KCNK5: variants seen among roughly 807,000 people sequenced by gnomAD.
KCNK5 encodes potassium two pore domain channel subfamily K member 5.
Under a neutral mutation model 32.9 loss-of-function variants are expected in KCNK5, and 18 were observed. The observed-to-expected ratio is 0.55, with a 90% CI of 0.38 to 0.81. The LOEUF (loss-of-function observed/expected upper bound fraction) is 0.81. Among genes scored for constraint, KCNK5 ranks in the 30% least tolerant of loss-of-function variants. The pLI, the probability that KCNK5 is intolerant of heterozygous loss-of-function variation, is 0.00. For missense variants in KCNK5, 507 were observed against 651.0 expected, an observed-to-expected ratio of 0.78 and a Z score of 2.41; for synonymous variants, 276 against 275.3, an observed-to-expected ratio of 1.00 and a Z score of -0.03.
At chr6:39,228,813 G>C (rs955519040) in intron 1 of KCNK5, 113 bp downstream of exon 1, 2 of 1,030,506 alleles carry the variant, frequency 1.9e-6, no homozygotes, top group African/African-American at 3.2e-5. Flanking sequence ...TCACCCCCTG[G>C]ACCTTCCACA....
chr6:39,219,096 C>G (rs1771495361), intron 1 of KCNK5, among the ~76,000 whole-genome samples: 1 of 152,186 alleles, frequency 6.6e-6, no homozygotes, highest in South Asian at 2.1e-4. Context: ...CGGCTGCCCT[C>G]CAGCACCAAG....
intron 1 of KCNK5, among the ~76,000 whole-genome samples, chr6:39,213,889 G>A (rs1330524367): frequency 6.6e-6 from 1 of 152,140 alleles, no homozygotes; most frequent in Non-Finnish European, 1.5e-5. Context: ...AGCCGGGTGT[G>A]GTGGTGTGGG....
rs188126434 is a variant in KCNK5 at position 39,201,186 on chromosome 6, A to C, written c.187-5199T>G. On this transcript the variant is annotated intron_variant, in intron 1 of 4. Transcript: ENST00000359534. ...TCAGTGGTTCATGGGTTAATGGGTTAATGGGTTAATGGGTTCATGGGCCAA... is the reference window on the plus strand; with the variant it reads ...TCAGTGGTTCATGGGTTAATGGGTTCATGGGTTAATGGGTTCATGGGCCAA... Among the ~76,000 whole-genome samples, 22 of 151,912 alleles carry C rather than the reference A, an allele frequency of 1.4e-4. 1 individual carries two copies. The highest frequency in any genetic ancestry group is 1.0e-3 in the South Asian group (5 of 4,784).
At chr6:39,203,160 C>A (rs1771161521) in intron 1 of KCNK5, among the ~76,000 whole-genome samples, 1 of 152,174 alleles carries the variant, frequency 6.6e-6, no homozygotes, top group Non-Finnish European at 1.5e-5. Context: ...AAGCCCTGTG[C>A]CTGGAAGACA....
chr6:39,214,567 C>A (rs12524735), intron 1 of KCNK5, among the ~76,000 whole-genome samples: 1 of 152,142 alleles, frequency 6.6e-6, no homozygotes, highest in Non-Finnish European at 1.5e-5. Flanking sequence ...GAGAGAAACA[C>A]GGCTTCATGG....
rs1184869809 is a variant in KCNK5 at position 39,227,115 on chromosome 6, C to G, written c.186+1811G>C. On this transcript the variant is annotated intron_variant, in intron 1 of 4. Transcript: ENST00000359534. ...CTGCCTAACCCCTGGACCCCGCCCC[C>G]CCCGCCGTATGCCCCGCCAGCCTTT... Among the ~76,000 whole-genome samples the G allele has an allele frequency of 1.1e-4, 17 of 152,042 alleles. No individual in the cohort carries two copies. The East Asian group carries it at 3.1e-3, about 28-fold the overall frequency.
chr6:39,196,792 C>A (rs1198304488), intron 1 of KCNK5, among the ~76,000 whole-genome samples: 1 of 152,226 alleles, frequency 6.6e-6, no homozygotes, highest in Admixed American at 6.5e-5. Flanking sequence ...CATAACTGTG[C>A]TATCAATCCC....
At chr6:39,223,143 A>AT (rs1269831172) in intron 1 of KCNK5, among the ~76,000 whole-genome samples, 2 of 152,226 alleles carry the variant, frequency 1.3e-5, no homozygotes, top group Non-Finnish European at 2.9e-5. Flanking sequence ...GGACCGCTCC[A>AT]TTGCAGCATA....
At chr6:39,214,559 G>C (rs1035338735) in intron 1 of KCNK5, among the ~76,000 whole-genome samples, 4 of 152,172 alleles carry the variant, frequency 2.6e-5, no homozygotes, top group Admixed American at 1.3e-4. Flanking sequence ...AAAGGAGAGA[G>C]AGAAACACGG....
chr6:39,224,432 A>C (rs1771614816), intron 1 of KCNK5, among the ~76,000 whole-genome samples: 1 of 152,198 alleles, frequency 6.6e-6, no homozygotes, highest in Non-Finnish European at 1.5e-5. Flanking sequence ...GGCCACATGT[A>C]ATTTTGTCAT....
At chr6:39,206,784 G>A (rs1236339870) in intron 1 of KCNK5, among the ~76,000 whole-genome samples, 1 of 152,162 alleles carries the variant, frequency 6.6e-6, no homozygotes, top group Non-Finnish European at 1.5e-5. Flanking sequence ...ACCTCTCTGA[G>A]CTTAACACTC....
intron 4 of KCNK5, among the ~76,000 whole-genome samples, chr6:39,192,884 T>C (rs1021867633): frequency 1.3e-5 from 2 of 152,196 alleles, no homozygotes; most frequent in African/African-American, 2.4e-5. Flanking sequence ...GGAAGGGGGC[T>C]ACCTCTCTCA....
In KCNK5 at chr6:39,227,272, G is replaced by T. The variant is rs117096126; in HGVS notation, c.186+1654C>A. On this transcript the variant is annotated intron_variant, in intron 1 of 4. Transcript: ENST00000359534. ...GGCAGCTCAAGGCTTTATCATCCTT[G>T]CCTGCCCTCTTCCCCCTCTAAACAA... Among the ~76,000 whole-genome samples the T allele has an allele frequency of 2.5e-4, 38 of 152,128 alleles. No homozygotes were observed. In the East Asian group the frequency reaches 3.3e-3, roughly 13 times the overall value.
intron 1 of KCNK5, among the ~76,000 whole-genome samples, chr6:39,201,347 G>GT (rs1200268205): frequency 6.6e-6 from 1 of 151,848 alleles, no homozygotes; most frequent in Non-Finnish European, 1.5e-5. Context: ...AGCCTCCCGG[G>GT]TTTAAGCAAT....
At chr6:39,218,957 G>A (rs1771492339) in intron 1 of KCNK5, among the ~76,000 whole-genome samples, 1 of 152,178 alleles carries the variant, frequency 6.6e-6, no homozygotes, top group Non-Finnish European at 1.5e-5. Flanking sequence ...GAGAGGCAGG[G>A]ACCAGGGCTG....
In KCNK5 at chr6:39,191,415, T is replaced by TGGGCCC. The variant is rs769142669; in HGVS notation, c.969_974dup (p.Pro325_Gly326dup). 1.9e-6 allele frequency: 3 copies of TGGGCCC among 1,613,036 alleles called. No individual in the cohort carries two copies. The highest frequency in any genetic ancestry group is 1.1e-5 in the South Asian group (1 of 91,074). On this transcript the variant is annotated inframe_insertion, in exon 5 of 5. Transcript: ENST00000359534. This position sits in a 1 kb window ranked among gnomAD's most constrained non-coding sequence, Gnocchi z 5.8. ...GCCCACCGCCTTGAGGCCCCAGCCC[T>TGGGCCC]GGGCCCGGGCCCGTCTCCCCACCCC...
At chr6:39,205,086 G>C (rs1378796041) in intron 1 of KCNK5, among the ~76,000 whole-genome samples, 10 of 152,212 alleles carry the variant, frequency 6.6e-5, no homozygotes, top group Admixed American at 6.5e-4. Flanking sequence ...GTGAGAACAA[G>C]CCCAGGGCAG....
intron 1 of KCNK5, among the ~76,000 whole-genome samples, chr6:39,203,978 C>A (rs1220593483): frequency 6.6e-6 from 1 of 152,160 alleles, no homozygotes; most frequent in Admixed American, 6.5e-5. Flanking sequence ...CTGTAGTTTA[C>A]GAGCAAGGTA....
chr6:39,209,166 C>T (rs1464246015), intron 1 of KCNK5, among the ~76,000 whole-genome samples: 1 of 152,182 alleles, frequency 6.6e-6, no homozygotes, highest in Non-Finnish European at 1.5e-5. Context: ...TCAGGCCACA[C>T]ATCAGTTACC....
Sources: gnomAD v4.1 joint callset for allele counts (sites outside exome capture counted in the v4.1 genomes callset) on GRCh38, gnomAD v4.1.1 for gene constraint, Gnocchi (gnomAD v3.1) non-coding constraint, MANE v1.5 for transcripts, NCBI Gene and HGNC (gene_info 2026-07-23, HGNC 2026-07-21) for gene names.